Variants in PTPN14 observed in about 807,000 individuals in gnomAD.
PTPN14 encodes the protein tyrosine-protein phosphatase non-receptor type 14.
Under a neutral mutation model 126.8 loss-of-function variants are expected in PTPN14, and 53 were observed. The observed-to-expected ratio is 0.42, with a 90% confidence interval of 0.34 to 0.53. The LOEUF (loss-of-function observed/expected upper bound fraction) is 0.53, where lower values mean the gene tolerates loss of function less well. Among genes scored for constraint, PTPN14 ranks in the 20% least tolerant of loss-of-function variants. PTPN14 has a pLI of 0.08. For synonymous variants in PTPN14, 630 were observed against 599.3 expected (o/e 1.05, Z -0.75); for missense variants, 1,257 against 1,552.9 (o/e 0.81, Z 3.20).
intron 1 of PTPN14, among the ~76,000 whole-genome samples, chr1:214,490,254 A>G (rs1661200241): frequency 6.6e-6 from 1 of 152,244 alleles, no homozygotes; most frequent in Admixed American, 6.5e-5. Context: ...TGTTTCACAT[A>G]TAACCTTGAA....
At chr1:214,496,919 A>G (rs1654530321) in intron 1 of PTPN14, among the ~76,000 whole-genome samples, 1 of 151,728 alleles carries the variant, frequency 6.6e-6, no homozygotes, top group Non-Finnish European at 1.5e-5. Context: ...TTGTAAGAAA[A>G]CAAAATCATA....
At chr1:214,445,402 G>A (rs916216750) in intron 3 of PTPN14, among the ~76,000 whole-genome samples, 2 of 152,112 alleles carry the variant, frequency 1.3e-5, no homozygotes, top group South Asian at 4.1e-4. Context: ...TTAATAGGGT[G>A]GACAGCCCCA....
chr1:214,498,581 CAT>C (rs1301249650), intron 1 of PTPN14, among the ~76,000 whole-genome samples: 1 of 151,814 alleles, frequency 6.6e-6, no homozygotes, highest in Non-Finnish European at 1.5e-5. Context: ...TATATGGAAA[CAT>C]ATCCAAATAT....
chr1:214,486,893 A>T (rs1661125041), intron 1 of PTPN14, among the ~76,000 whole-genome samples: 1 of 109,036 alleles, frequency 9.2e-6, no homozygotes, highest in African/African-American at 3.8e-5. Flanking sequence ...ACTCTGGTAC[A>T]TCTCCGTAAA....
intron 1 of PTPN14, among the ~76,000 whole-genome samples, chr1:214,511,315 C>T (rs1654968237): frequency 6.6e-6 from 1 of 152,070 alleles, no homozygotes; most frequent in Non-Finnish European, 1.5e-5. Context: ...TATAACTCTT[C>T]AAAACTCACA....
intron 3 of PTPN14, 44 bp downstream of exon 3, chr1:214,451,761 T>C (rs1402118507): frequency 6.3e-7 from 1 of 1,590,072 alleles, no homozygotes; most frequent in South Asian, 1.1e-5. Flanking sequence ...GCTTCACAGT[T>C]AGTCAACACC....
chr1:214,433,988 C>T (rs1659856462), intron 3 of PTPN14, among the ~76,000 whole-genome samples: 1 of 142,528 alleles, frequency 7.0e-6, no homozygotes, highest in African/African-American at 2.6e-5. Flanking sequence ...AAAATTTAGC[C>T]AGGCATGGTG....
chr1:214,505,471 T>C (rs1255921936), intron 1 of PTPN14, among the ~76,000 whole-genome samples: 1 of 152,146 alleles, frequency 6.6e-6, no homozygotes, highest in Non-Finnish European at 1.5e-5. Context: ...GGGTGGTCAG[T>C]GCCCACACAG....
chr1:214,535,016 T>C (rs1186825229), intron 1 of PTPN14, among the ~76,000 whole-genome samples: 6 of 152,118 alleles, frequency 3.9e-5, no homozygotes. Context: ...ACAAGTTATA[T>C]AGTAGCGGAT....
chr1:214,447,515 C>G (rs2102628563), intron 3 of PTPN14, among the ~76,000 whole-genome samples: 1 of 152,294 alleles, frequency 6.6e-6, no homozygotes, highest in East Asian at 1.9e-4. Flanking sequence ...TCAACCTTCC[C>G]AAATAAATGT....
chr1:214,529,324 C>CA (rs1655481813), intron 1 of PTPN14: 3 of 151,416 alleles, frequency 2.0e-5, no homozygotes, highest in South Asian at 4.2e-4. Context: ...GTCTCTCTGC[C>CA]AAAAAAAGTC....
intron 3 of PTPN14, among the ~76,000 whole-genome samples, chr1:214,424,653 G>C (rs1373371389): frequency 6.6e-6 from 1 of 151,788 alleles, no homozygotes; most frequent in African/African-American, 2.4e-5. Flanking sequence ...TCAGCCTCCC[G>C]AGTAGCTGGG....
At chr1:214,467,116 C>T (rs1163272560) in intron 1 of PTPN14, among the ~76,000 whole-genome samples, 1 of 152,136 alleles carries the variant, frequency 6.6e-6, no homozygotes, top group Admixed American at 6.5e-5. Context: ...ATGTTTACCT[C>T]TAAGGTAAGC....
chr1:214,394,064 T>G lies in PTPN14; in HGVS notation c.847-287A>C, dbSNP rs138015538. Among the ~76,000 whole-genome samples the G allele has an allele frequency of 5.0e-3, 754 of 152,322 alleles. 26 individuals carry two copies. The highest frequency in any genetic ancestry group is 0.047 in the Admixed American group (719 of 15,300). ...TGTCTTTATGTAATTTCCGACCAAG[T>G]GCTTTCAAAATAAATAACTGAATCA... On this transcript the variant is annotated intron_variant, in intron 9 of 18. Transcript: ENST00000366956.
At chr1:214,407,898 A>T (rs1398858453) in intron 5 of PTPN14, among the ~76,000 whole-genome samples, 1 of 152,178 alleles carries the variant, frequency 6.6e-6, no homozygotes, top group African/African-American at 2.4e-5. Context: ...CTAACTCCTC[A>T]GAAGTTTCCA....
At chr1:214,395,239 G>A (rs1658851079) in intron 8 of PTPN14, among the ~76,000 whole-genome samples, 1 of 152,128 alleles carries the variant, frequency 6.6e-6, no homozygotes, top group Admixed American at 6.5e-5. Flanking sequence ...TAGCAATGAG[G>A]AAAATCTGCA....
chr1:214,520,065 A>AAAAAAAAATATATAT, intron 1 of PTPN14, among the ~76,000 whole-genome samples: 12 of 71,110 alleles, frequency 1.7e-4, no homozygotes, highest in African/African-American at 8.0e-4. Flanking sequence ...AAAAAAAAAA[A>AAAAAAAAATATATAT]ATATATATAT....
intron 1 of PTPN14, among the ~76,000 whole-genome samples, chr1:214,510,538 T>C (rs1654949395): frequency 6.6e-6 from 1 of 152,252 alleles, no homozygotes; most frequent in Non-Finnish European, 1.5e-5. Flanking sequence ...AGTTTTTCAA[T>C]CCTTTCTGAA....
rs746876533 is a variant in PTPN14, at chr1:214,383,509, C to T, written c.2346G>A (p.Arg782=). The change falls in exon 13 of 19, where the codon AGG becomes AGA. Residue 782 remains arginine (R), a synonymous_variant. Transcript: ENST00000366956. The surrounding 1 kb of genome is among the most constrained non-coding windows in gnomAD (Gnocchi z 4.4). The stretch of plus-strand genomic sequence containing the variant: ...TGCTGATGGCCTTGGCTGGCCCATG[C>T]CTCAGCACCCTGGCTCTGGCCATGG... The part of the protein sequence containing the change: ...PPAMARARVL[R]HGPAKAISMS... 6 of 1,614,042 alleles carry T rather than the reference C, an allele frequency of 3.7e-6. No individual in the cohort carries two copies. The Admixed American group carries it at 5.0e-5, about 13-fold the overall frequency.
Sources: allele counts gnomAD v4.1 joint callset (sites outside exome capture counted in the v4.1 genomes callset), GRCh38; gene constraint gnomAD v4.1.1; non-coding constraint Gnocchi (gnomAD v3.1); transcripts MANE v1.5; gene names NCBI Gene and HGNC (gene_info 2026-07-23, HGNC 2026-07-21).